The following CERS3 variants were observed in gnomAD, a reference collection of about 807,000 sequenced individuals.
CERS3 encodes the protein LAG1 homolog, ceramide synthase 3.
A neutral mutation model predicts 50.3 loss-of-function variants in CERS3; 33 were observed. The ratio of observed to expected loss-of-function variants is 0.66; its 90% CI spans 0.50 to 0.88. CERS3 has a LOEUF of 0.88. Ranked by LOEUF, CERS3 falls within the 40% of genes least tolerant of loss-of-function variation. The pLI is 0.00. For synonymous variants in CERS3, 176 were observed against 155.2 expected (o/e 1.13, Z -0.99); for missense variants, 470 against 460.3 (o/e 1.02, Z -0.19).
At chr15:100,474,473 T>C (rs928715295) in intron 8 of CERS3, among the ~76,000 whole-genome samples, 2 of 152,126 alleles carry the variant, frequency 1.3e-5, no homozygotes, top group Non-Finnish European at 2.9e-5. Flanking sequence ...GGTGCGATCT[T>C]GGCTCACTGC....
chr15:100,467,963 C>G (rs1336957593), intron 10 of CERS3, among the ~76,000 whole-genome samples: 2 of 151,132 alleles, frequency 1.3e-5, no homozygotes, highest in African/African-American at 2.4e-5. Flanking sequence ...CTTAAGTGAC[C>G]CCCCCGCCAA....
chr15:100,533,793 C>T (rs145994130), upstream of CERS3, among the ~76,000 whole-genome samples: 7,262 of 152,148 alleles, frequency 0.048, 480 homozygotes, highest in African/African-American at 0.14. Flanking sequence ...CTCCTGACCT[C>T]GTGATTCACC....
chr15:100,406,296 A>G (rs2031019310), intron 11 of CERS3, among the ~76,000 whole-genome samples: 1 of 152,140 alleles, frequency 6.6e-6, no homozygotes, highest in African/African-American at 2.4e-5. Flanking sequence ...GAAGATGAAG[A>G]CTGTTTCTTC....
At chr15:100,531,688 A>G (rs1004461696), upstream of CERS3, among the ~76,000 whole-genome samples, 1 of 152,218 alleles carries the variant, frequency 6.6e-6, no homozygotes, top group Non-Finnish European at 1.5e-5. Context: ...GCATTAAAGG[A>G]AAGAGCAAGA....
At chr15:100,467,630 G>T (rs999404251) in intron 10 of CERS3, among the ~76,000 whole-genome samples, 1 of 151,588 alleles carries the variant, frequency 6.6e-6, no homozygotes, top group African/African-American at 2.4e-5. Flanking sequence ...GTGCCTTTGG[G>T]ACATGGCGAA....
intron 8 of CERS3, among the ~76,000 whole-genome samples, chr15:100,474,572 T>C (rs2035066560): frequency 6.6e-6 from 1 of 152,142 alleles, no homozygotes; most frequent in African/African-American, 2.4e-5. Context: ...ACCTGGCTAA[T>C]TTTTGTATTT....
intron 11 of CERS3, among the ~76,000 whole-genome samples, chr15:100,450,046 T>TA (rs946650883): frequency 1.5e-4 from 22 of 151,358 alleles, no homozygotes; most frequent in Non-Finnish European, 4.4e-5. Flanking sequence ...ATAGAGATCG[T>TA]AAAAAAAAGA....
At chr15:100,530,804 T>G (rs1451636843), upstream of CERS3, among the ~76,000 whole-genome samples, 2 of 152,154 alleles carry the variant, frequency 1.3e-5, no homozygotes. Context: ...GGAACCAGGC[T>G]GGGAACAGTG....
At chr15:100,413,998 C>T (rs1468358313) in intron 11 of CERS3, among the ~76,000 whole-genome samples, 1 of 152,106 alleles carries the variant, frequency 6.6e-6, no homozygotes, top group Non-Finnish European at 1.5e-5. Context: ...GATTCACAGC[C>T]AAATTCTACC....
At chr15:100,438,638 T>C (rs1023468268) in intron 11 of CERS3, among the ~76,000 whole-genome samples, 3 of 152,254 alleles carry the variant, frequency 2.0e-5, no homozygotes, top group African/African-American at 7.2e-5. Flanking sequence ...TCATGTTTGT[T>C]AGCATGTTCC....
chr15:100,453,410 T>C (rs1370132087), intron 11 of CERS3, among the ~76,000 whole-genome samples: 1 of 152,150 alleles, frequency 6.6e-6, no homozygotes, highest in Non-Finnish European at 1.5e-5. Flanking sequence ...TATATGATCA[T>C]CTCAATAGAC....
rs752407627 is a variant in CERS3, at chr15:100,455,878, T to C, written c.999+15A>G. The C allele has an allele frequency of 2.5e-6, 4 of 1,572,106 alleles. No homozygotes were observed. Among genetic ancestry groups the C allele is most frequent in the Middle Eastern group, 1.7e-4 (1 of 5,942 alleles). On this transcript the variant is annotated intron_variant, in intron 11 of 11. Coordinates refer to ENST00000679737, the MANE Select transcript of CERS3 (RefSeq NM_001378789.1). ...GCAATGACATTAAGAGCAATAATATTTGGACAGCCCTTACCTTCATGAATA... is the reference window on the plus strand; with the variant it reads ...GCAATGACATTAAGAGCAATAATATCTGGACAGCCCTTACCTTCATGAATA...
intron 11 of CERS3, among the ~76,000 whole-genome samples, chr15:100,414,477 C>T (rs952299180): frequency 1.3e-5 from 2 of 152,064 alleles, no homozygotes; most frequent in Non-Finnish European, 2.9e-5. Flanking sequence ...CCAAGACAAT[C>T]CTAAGCAAAA....
intron 11 of CERS3, among the ~76,000 whole-genome samples, chr15:100,411,432 G>T (rs1401897067): frequency 6.6e-6 from 1 of 152,098 alleles, no homozygotes; most frequent in Non-Finnish European, 1.5e-5. Flanking sequence ...AAAGTGTTGG[G>T]ATTACAGACG....
chr15:100,436,326 C>T (rs150908679), intron 11 of CERS3, among the ~76,000 whole-genome samples: 1 of 152,250 alleles, frequency 6.6e-6, no homozygotes, highest in African/African-American at 2.4e-5. Flanking sequence ...TTTGCAGGAA[C>T]GTGGATGAAG....
At chr15:100,456,897 A>C (rs2034391030) in intron 10 of CERS3, among the ~76,000 whole-genome samples, 1 of 150,284 alleles carries the variant, frequency 6.7e-6, no homozygotes. Context: ...CAGTGAGCCG[A>C]GATTGTGCCA....
chr15:100,456,689 G>A (rs1567630977), intron 10 of CERS3, among the ~76,000 whole-genome samples: 1 of 152,180 alleles, frequency 6.6e-6, no homozygotes, highest in Non-Finnish European at 1.5e-5. Context: ...GCTCATGCCT[G>A]TAATACCAGC....
intron 10 of CERS3, among the ~76,000 whole-genome samples, chr15:100,463,544 G>A (rs1479354849): frequency 6.6e-6 from 1 of 152,100 alleles, no homozygotes; most frequent in East Asian, 1.9e-4. Context: ...TTTGAAGAGG[G>A]GTGATTGTTG....
At chr15:100,410,190 A>T (rs1396683872) in intron 11 of CERS3, among the ~76,000 whole-genome samples, 1 of 152,128 alleles carries the variant, frequency 6.6e-6, no homozygotes, top group Non-Finnish European at 1.5e-5. Context: ...TCTGCCCCCA[A>T]CGACTCCCTT....
Sources: gnomAD v4.1 joint callset for allele counts (sites outside exome capture counted in the v4.1 genomes callset) on GRCh38, gnomAD v4.1.1 for gene constraint, MANE v1.5 for transcripts, NCBI Gene and HGNC (gene_info 2026-07-23, HGNC 2026-07-21) for gene names.